The following GPM6A variants were observed in gnomAD, a reference collection of about 807,000 sequenced individuals.
The protein encoded by GPM6A is neuronal membrane glycoprotein M6-a.
In GPM6A, 7 loss-of-function variants were observed where a neutral mutation model predicts 32.1. The observed-to-expected ratio is 0.22, with a 90% CI of 0.12 to 0.41. GPM6A has a LOEUF of 0.41. GPM6A is among the 10% of genes least tolerant of loss of function. The probability of loss-of-function intolerance (pLI) is 1.00; values close to 1 mark genes in which losing one functional copy is unlikely to be tolerated. For synonymous variants in GPM6A, 130 were observed against 123.4 expected (o/e 1.05, Z -0.35); for missense variants, 235 against 347.2 (o/e 0.68, Z 2.57).
At chr4:175,677,282 G>C (rs528772229) in intron 2 of GPM6A, among the ~76,000 whole-genome samples, 3 of 152,144 alleles carry the variant, frequency 2.0e-5, no homozygotes, top group South Asian at 2.1e-4. Context: ...TATAAATTTG[G>C]CCTGAAATGT....
At chr4:175,742,281 A>G (rs1166767445) in intron 1 of GPM6A, among the ~76,000 whole-genome samples, 1 of 152,072 alleles carries the variant, frequency 6.6e-6, no homozygotes, top group East Asian at 1.9e-4. Flanking sequence ...TGTTCTAGAG[A>G]ATTCTAGAGT....
At chr4:175,899,611 T>G (rs1013606492) in intron 1 of GPM6A, among the ~76,000 whole-genome samples, 1 of 152,040 alleles carries the variant, frequency 6.6e-6, no homozygotes, top group Non-Finnish European at 1.5e-5. Context: ...GCCAAGAACA[T>G]ACACTTGGGG....
intron 3 of GPM6A, among the ~76,000 whole-genome samples, chr4:175,664,768 C>G (rs1163290641): frequency 1.3e-5 from 2 of 152,116 alleles, no homozygotes; most frequent in Non-Finnish European, 2.9e-5. Context: ...CCCTTTTACT[C>G]ACTAATTTGT....
At chr4:175,671,734 G>A (rs1256344888) in intron 3 of GPM6A, among the ~76,000 whole-genome samples, 1 of 152,102 alleles carries the variant, frequency 6.6e-6, no homozygotes, top group Non-Finnish European at 1.5e-5. Flanking sequence ...AGGCAGTGTT[G>A]GGACAGCCAG....
intron 1 of GPM6A, among the ~76,000 whole-genome samples, chr4:175,891,104 C>T (rs1043703158): frequency 4.6e-5 from 7 of 152,138 alleles, no homozygotes; most frequent in African/African-American, 1.7e-4. Context: ...TATTCTTCTA[C>T]TTAACATAAG....
intron 1 of GPM6A, among the ~76,000 whole-genome samples, chr4:175,820,550 G>A (rs1735246449): frequency 7.3e-6 from 1 of 137,142 alleles, no homozygotes; most frequent in Admixed American, 8.6e-5. Context: ...GCCCAGGCTG[G>A]AGTGCAGTGG....
intron 6 of GPM6A, among the ~76,000 whole-genome samples, chr4:175,639,188 ATATT>A (rs1435326765): frequency 1.3e-5 from 2 of 152,190 alleles, no homozygotes; most frequent in African/African-American, 2.4e-5. Context: ...TAAATACAAA[ATATT>A]TATGAAATCA....
chr4:175,790,098 T>C (rs1364043924), intron 1 of GPM6A, among the ~76,000 whole-genome samples: 1 of 152,222 alleles, frequency 6.6e-6, no homozygotes, highest in Non-Finnish European at 1.5e-5. Context: ...CATACATTTA[T>C]CTTGTTAGCA....
chr4:175,774,964 C>T (rs2111240390), intron 1 of GPM6A, among the ~76,000 whole-genome samples: 1 of 151,930 alleles, frequency 6.6e-6, no homozygotes, highest in East Asian at 1.9e-4. Flanking sequence ...CCAGACGATC[C>T]CAAAATTTTG....
At chr4:175,686,216 C>G (rs1743974434) in intron 2 of GPM6A, among the ~76,000 whole-genome samples, 1 of 152,158 alleles carries the variant, frequency 6.6e-6, no homozygotes, top group South Asian at 2.1e-4. Flanking sequence ...CTGTGGTCAG[C>G]TATAAAAAAC....
intron 1 of GPM6A, among the ~76,000 whole-genome samples, chr4:175,924,738 G>A (rs1738776425): frequency 6.6e-6 from 1 of 151,838 alleles, no homozygotes; most frequent in Non-Finnish European, 1.5e-5. Context: ...TACTTGGGAG[G>A]CTGAGGCAGG....
chr4:175,710,967 A>G (rs1745494856), intron 1 of GPM6A, among the ~76,000 whole-genome samples: 3 of 152,184 alleles, frequency 2.0e-5, no homozygotes, highest in Admixed American at 2.0e-4. Context: ...GGAGACCAGG[A>G]ATATGAAAAC....
At chr4:175,774,881 T>A (rs1313096613) in intron 1 of GPM6A, among the ~76,000 whole-genome samples, 2 of 151,858 alleles carry the variant, frequency 1.3e-5, no homozygotes, top group Non-Finnish European at 2.9e-5. Flanking sequence ...TATAAAAAAA[T>A]TCTTAAACAT....
At position 175,827,276 on chromosome 4, in the gene GPM6A, ACC is replaced by A. The variant is rs1183539881; in HGVS notation, c.-22-15029_-22-15028del. ...CTATATTTAGTAGCTCAGTAAGACC[ACC>A]CGATATAACTCATGTAATAATACAA... On this transcript the variant is annotated intron_variant, in intron 1 of 7. Coordinates refer to the GPM6A transcript ENST00000280187. Among the ~76,000 whole-genome samples the A allele has an allele frequency of 4.6e-5, 7 of 152,338 alleles. No individual in the cohort carries two copies. The East Asian group carries it at 1.3e-3, about 29-fold the overall frequency.
rs760954509 is a variant in GPM6A, at chr4:175,651,951, G to A, written c.424C>T (p.Leu142=). 1 of 1,612,772 alleles carries A rather than the reference G, an allele frequency of 6.2e-7. No individual in the cohort carries two copies. Among genetic ancestry groups the A allele is most frequent in the Admixed American group, 1.7e-5 (1 of 59,854 alleles). The change falls in exon 4 of 7, where the codon CTG becomes TTG. Residue 142 remains leucine, a synonymous_variant. Coordinates refer to ENST00000393658, the MANE Select transcript of GPM6A (RefSeq NM_201591.3). ...AGTGAGGTGAAAGCCGTGACTCCCAGCCAGGCCAACATGAAAAGATATGTC... is the reference window on the plus strand; with the variant it reads ...AGTGAGGTGAAAGCCGTGACTCCCAACCAGGCCAACATGAAAAGATATGTC... The part of the protein sequence containing the change: ...MLTYLFMLAW[L]GVTAFTSLPV...
In GPM6A at chr4:175,894,571, A is replaced by G. The variant is rs185823006; in HGVS notation, c.-22-82322T>C. The stretch of plus-strand genomic sequence containing the variant: ...CATGGTTAATAATGTCTTCCAGTTA[A>G]TAATGAGACTACATTTTCTACCCTT... On this transcript the variant is annotated intron_variant, in intron 1 of 7. Coordinates refer to the GPM6A transcript ENST00000280187. Among the ~76,000 whole-genome samples the G allele has an allele frequency of 9.2e-5, 14 of 152,300 alleles. No homozygotes were observed. The East Asian group carries it at 1.9e-3, about 21-fold the overall frequency.
chr4:175,790,708 C>A (rs755501936), intron 1 of GPM6A, among the ~76,000 whole-genome samples: 36 of 152,238 alleles, frequency 2.4e-4, no homozygotes, highest in Non-Finnish European at 4.4e-4. Flanking sequence ...GTTGTATATC[C>A]TTTTCGTTAT....
chr4:175,942,426 GT>G (rs1406956492), intron 1 of GPM6A, among the ~76,000 whole-genome samples: 2 of 152,172 alleles, frequency 1.3e-5, no homozygotes, highest in Non-Finnish European at 2.9e-5. Flanking sequence ...ATTGCTTTTG[GT>G]GTTTTAGTCA....
intron 1 of GPM6A, among the ~76,000 whole-genome samples, chr4:175,708,916 CA>C (rs1396813163): frequency 6.6e-6 from 1 of 152,138 alleles, no homozygotes; most frequent in Non-Finnish European, 1.5e-5. Flanking sequence ...ATTACCTGCA[CA>C]GTAAATATTT....
Sources: gnomAD v4.1 joint callset for allele counts (sites outside exome capture counted in the v4.1 genomes callset) on GRCh38, gnomAD v4.1.1 for gene constraint, MANE v1.5 for transcripts, NCBI Gene and HGNC (gene_info 2026-07-23, HGNC 2026-07-21) for gene names.